FHAD1: variants seen among roughly 807,000 people sequenced by gnomAD.
The protein encoded by FHAD1 is forkhead-associated domain-containing protein 1.
A neutral mutation model predicts 191.3 loss-of-function variants in FHAD1; 146 were observed. The ratio of observed to expected loss-of-function variants is 0.76; its 90% CI spans 0.67 to 0.88. The LOEUF is 0.88. Among genes scored for constraint, FHAD1 ranks in the 40% least tolerant of loss-of-function variants. The pLI is 0.00. For missense variants in FHAD1, 1,635 were observed against 1,785.8 expected (o/e 0.92, Z 1.52); for synonymous variants, 616 against 672.3 (o/e 0.92, Z 1.29).
intron 8 of FHAD1, among the ~76,000 whole-genome samples, chr1:15,313,717 G>C (rs1183071693): frequency 2.0e-5 from 3 of 152,136 alleles, no homozygotes; most frequent in African/African-American, 4.8e-5. Flanking sequence ...TTAGACTTTA[G>C]TGTGGGTAAG....
intron 3 of FHAD1, among the ~76,000 whole-genome samples, chr1:15,281,391 G>A (rs148081813): frequency 2.8e-3 from 426 of 152,296 alleles, no homozygotes; most frequent in African/African-American, 9.7e-3. Flanking sequence ...GACATTAGTG[G>A]TTCCATGTGG....
intron 1 of FHAD1, among the ~76,000 whole-genome samples, chr1:15,237,875 G>A (rs1374813902): frequency 2.6e-5 from 4 of 152,124 alleles, no homozygotes; most frequent in South Asian, 2.1e-4. Context: ...AATGTCCAGC[G>A]TGAGGGGATT....
At chr1:15,378,747 TTTTTTGTTTTTA>T (rs1049150084) in intron 28 of FHAD1, among the ~76,000 whole-genome samples, 86 of 152,188 alleles carry the variant, frequency 5.7e-4, no homozygotes, top group African/African-American at 2.0e-3. Context: ...TGTGAATGGG[TTTTTTGTTTTTA>T]TTTTTGTTTT....
intron 1 of FHAD1, among the ~76,000 whole-genome samples, chr1:15,237,608 C>T (rs1478532868): frequency 6.6e-6 from 1 of 152,130 alleles, no homozygotes; most frequent in Non-Finnish European, 1.5e-5. Flanking sequence ...ATTACTGTCC[C>T]CCTTGTTTCT....
chr1:15,320,374 A>G (rs1675865302), intron 10 of FHAD1, among the ~76,000 whole-genome samples: 2 of 152,216 alleles, frequency 1.3e-5, no homozygotes, highest in Admixed American at 1.3e-4. Context: ...GCTTGCCGAT[A>G]ATGCTCAAAA....
chr1:15,394,418 G>T (rs1705237444), intron 33 of FHAD1, among the ~76,000 whole-genome samples: 1 of 152,168 alleles, frequency 6.6e-6, no homozygotes, highest in Admixed American at 6.5e-5. Flanking sequence ...GGGTTGTTTA[G>T]GGGGGAAGGC....
rs1672741661 is a variant in FHAD1 at position 15,312,942 on chromosome 1, T to A, written c.1040-115T>A. ...CTCAACCCCATTCAAGCTCCTGGGA[T>A]CCTTGGAGACACCTCCCTTCTCAGT... On this transcript the variant is annotated intron_variant, in intron 7 of 33. Transcript: ENST00000688493. The surrounding 1 kb of genome is among the most constrained non-coding windows in gnomAD (Gnocchi z 4.7). 2 of 1,317,312 alleles carry A rather than the reference T, an allele frequency of 1.5e-6. No homozygotes were observed. The highest frequency in any genetic ancestry group is 2.5e-5 in the East Asian group (1 of 39,544). 81.6% of individuals were successfully genotyped at this position (1,317,312 alleles called of 1,614,324 possible). A position where few individuals can be genotyped will look rare whatever the true frequency, so the allele number is the denominator to read the frequency against.
At chr1:15,331,405 T>C (rs889073891) in intron 14 of FHAD1, among the ~76,000 whole-genome samples, 18 of 149,440 alleles carry the variant, frequency 1.2e-4, no homozygotes, top group Non-Finnish European at 2.2e-4. Context: ...GATGGAAGCA[T>C]TGGTGGGTGG....
At chr1:15,310,839 A>C (rs1156642260) in intron 7 of FHAD1, among the ~76,000 whole-genome samples, 21 of 152,138 alleles carry the variant, frequency 1.4e-4, no homozygotes, top group Admixed American at 1.4e-3. Context: ...GGCTTTGGTC[A>C]TTGTGGCCAC....
intron 10 of FHAD1, 28 bp downstream of exon 10, chr1:15,317,956 G>C (rs1421504368): frequency 7.0e-7 from 1 of 1,435,782 alleles, no homozygotes; most frequent in Non-Finnish European, 9.6e-7. Flanking sequence ...GGCCCAGAGA[G>C]TGGTGTGGGC....
intron 2 of FHAD1, among the ~76,000 whole-genome samples, chr1:15,262,857 A>C (rs553506102): frequency 6.6e-6 from 1 of 152,178 alleles, no homozygotes; most frequent in African/African-American, 2.4e-5. Context: ...TGGTAATTCT[A>C]TTATTACATT....
At chr1:15,367,760 T>A in intron 25 of FHAD1, 138 bp downstream of exon 25, 1 of 733,308 alleles carries the variant, frequency 1.4e-6, no homozygotes, top group East Asian at 2.7e-5. Flanking sequence ...GCTTGGCTTA[T>A]TCTGTGCTTC....
chr1:15,311,337 G>A lies in FHAD1; in HGVS notation c.1040-1720G>A, dbSNP rs1366106748. ...TGAGCACGTGCATGTGGGCAGGGAA[G>A]GAACCACCCAGGAGGAGCAGAGGGA... On this transcript the variant is annotated intron_variant, in intron 7 of 33. Coordinates refer to ENST00000688493, the MANE Select transcript of FHAD1 (RefSeq NM_001391957.1). This position sits in a 1 kb window ranked among gnomAD's most constrained non-coding sequence, Gnocchi z 4.1. Among the ~76,000 whole-genome samples, 1 of 152,196 alleles carries A rather than the reference G, an allele frequency of 6.6e-6. No homozygotes were observed. The highest frequency in any genetic ancestry group is 1.5e-5 in the Non-Finnish European group (1 of 68,020).
intron 24 of FHAD1, among the ~76,000 whole-genome samples, chr1:15,366,328 T>TA (rs1189081992): frequency 8.0e-6 from 1 of 124,754 alleles, no homozygotes; most frequent in Non-Finnish European, 1.8e-5. Flanking sequence ...AACCTTGGCA[T>TA]AAAAAATCCT....
intron 4 of FHAD1, among the ~76,000 whole-genome samples, chr1:15,290,092 G>C (rs559092570): frequency 4.6e-5 from 7 of 152,220 alleles, no homozygotes; most frequent in Non-Finnish European, 1.0e-4. Flanking sequence ...GGTCAGAGGA[G>C]AGTGACACTT....
Position 15,382,094 on chromosome 1 carries a change from A to G in FHAD1, c.4089A>G (p.Lys1363=). ...CAAAGCTGGAGGATGATATCTACAA[A>G]GAGGCCGAAGAGAAGGCCCTGCTGA... ...QVAKLEDDIY[K]EAEEKALLKE... The change falls in exon 31 of 34, where the codon AAA becomes AAG. Residue 1363 remains lysine, a synonymous_variant. Transcript: ENST00000688493. 1 of 1,552,126 alleles carries G rather than the reference A, an allele frequency of 6.4e-7. No homozygotes were observed. Among genetic ancestry groups the G allele is most frequent in the East Asian group, 2.4e-5 (1 of 40,906 alleles).
chr1:15,376,926 G>A lies in FHAD1; in HGVS notation c.3705+1196G>A, dbSNP rs72879929. 6.5e-3 allele frequency among the ~76,000 whole-genome samples: 995 copies of A among 152,256 alleles called. 13 individuals carry two copies. The highest frequency in any genetic ancestry group is 0.023 in the African/African-American group (944 of 41,532). Reference sequence around the variant, plus strand: ...CATGGAGCCAGGTACCTGCAGTCCTGGCTAGTCAGGAGGCTGACATGGGAA... The same window carrying A: ...CATGGAGCCAGGTACCTGCAGTCCTAGCTAGTCAGGAGGCTGACATGGGAA... On this transcript the variant is annotated intron_variant, in intron 28 of 33. Coordinates refer to ENST00000688493, the MANE Select transcript of FHAD1 (RefSeq NM_001391957.1).
Position 15,397,935 on chromosome 1 carries a change from A to C in FHAD1, c.*522A>C, listed in dbSNP as rs1706507685. 6.6e-6 allele frequency: 1 copy of C among 152,240 alleles called. No homozygotes were observed. Among genetic ancestry groups the C allele is most frequent in the South Asian group, 2.1e-4 (1 of 4,828 alleles). The allele number at this position is 152,240 out of a possible 1,614,324, so 9.4% of individuals were successfully genotyped here. A position where few individuals can be genotyped will look rare whatever the true frequency, so the allele number is the denominator to read the frequency against. ...ATTATAAGATCAGGAGTTTGAGACC[A>C]GCCTGGCAAACATAGTGAATACCTG... On this transcript the variant is annotated 3_prime_UTR_variant, in exon 34 of 34. Transcript: ENST00000688493.
At position 15,349,150 on chromosome 1, in the gene FHAD1, G is replaced by C; in HGVS notation, c.2454+1G>C. The C allele has an allele frequency of 6.5e-7, 1 of 1,545,044 alleles. No individual in the cohort carries two copies. The highest frequency in any genetic ancestry group is 8.8e-7 in the Non-Finnish European group (1 of 1,140,968). On this transcript the variant is annotated splice_donor_variant, in intron 19 of 33. Coordinates refer to ENST00000688493, the MANE Select transcript of FHAD1 (RefSeq NM_001391957.1). LOFTEE classifies it high-confidence loss of function. ...GAACCATTTAACCCAACAGAAGGAG[G>C]TATGAGCAGCAGCAGGAAAGAATCC...
Sources: allele counts gnomAD v4.1 joint callset (sites outside exome capture counted in the v4.1 genomes callset), GRCh38; gene constraint gnomAD v4.1.1; non-coding constraint Gnocchi (gnomAD v3.1); transcripts MANE v1.5; gene names NCBI Gene and HGNC (gene_info 2026-07-23, HGNC 2026-07-21).